GARRE1: variants seen among roughly 807,000 people sequenced by gnomAD.
The protein encoded by GARRE1 is granule associated Rac and RHOG effector 1, also known as granule associated Rac and RHOG effector protein 1.
A neutral mutation model predicts 103.2 loss-of-function variants in GARRE1; 49 were observed. The observed-to-expected ratio is 0.47, with a 90% CI of 0.38 to 0.60. The LOEUF (loss-of-function observed/expected upper bound fraction) is 0.60, where lower values mean the gene tolerates loss of function less well. Ranked by LOEUF, GARRE1 falls within the 20% of genes least tolerant of loss-of-function variation. GARRE1 has a pLI of 0.00. For missense variants in GARRE1, 1,199 were observed against 1,370.5 expected (o/e 0.87, Z 1.98); for synonymous variants, 505 against 532.8 (o/e 0.95, Z 0.72).
At chr19:34,293,750 C>CTTTTTTTTT (rs71165643) in intron 1 of GARRE1, among the ~76,000 whole-genome samples, 1 of 47,178 alleles carries the variant, frequency 2.1e-5, no homozygotes, top group Non-Finnish European at 3.8e-5. Context: ...ACACATATTT[C>CTTTTTTTTT]TTTTTTTTTT....
intron 1 of GARRE1, among the ~76,000 whole-genome samples, chr19:34,291,769 G>A (rs1488564354): frequency 6.6e-6 from 1 of 152,040 alleles, no homozygotes; most frequent in Non-Finnish European, 1.5e-5. Context: ...GACATTTCAA[G>A]CCATAGCAAC....
chr19:34,305,071 C>T (rs2086295273), intron 2 of GARRE1, among the ~76,000 whole-genome samples: 1 of 152,140 alleles, frequency 6.6e-6, no homozygotes, highest in Non-Finnish European at 1.5e-5. Flanking sequence ...GGATTACAGG[C>T]GTGAGCCACC....
At chr19:34,348,144 C>A in intron 11 of GARRE1, 102 bp downstream of exon 11, 1 of 1,024,008 alleles carries the variant, frequency 9.8e-7, no homozygotes, top group Non-Finnish European at 1.3e-6. Flanking sequence ...TCTTTTCAGG[C>A]AGTTCAATTC....
chr19:34,348,710 C>A, intron 11 of GARRE1: 1 of 315,690 alleles, frequency 3.2e-6, no homozygotes, highest in East Asian at 7.1e-5. Flanking sequence ...CAGATCATCC[C>A]GTCACCTAGG....
At chr19:34,271,367 G>A (rs570170424) in intron 1 of GARRE1, among the ~76,000 whole-genome samples, 1 of 150,634 alleles carries the variant, frequency 6.6e-6, no homozygotes, top group East Asian at 2.0e-4. Context: ...TCCTGTCTCA[G>A]CCTCCCTAGT....
chr19:34,328,998 AGT>A (rs2074125481), intron 6 of GARRE1, among the ~76,000 whole-genome samples: 2 of 152,246 alleles, frequency 1.3e-5, no homozygotes, highest in African/African-American at 4.8e-5. Flanking sequence ...AATGTCTCTC[AGT>A]GGACTTGTAT....
chr19:34,266,850 C>A (rs189906796), intron 1 of GARRE1, among the ~76,000 whole-genome samples: 1 of 151,892 alleles, frequency 6.6e-6, no homozygotes, highest in South Asian at 2.1e-4. Flanking sequence ...AATTATAGTT[C>A]GATTTACCTA....
intron 12 of GARRE1, among the ~76,000 whole-genome samples, chr19:34,351,126 G>T (rs1379136694): frequency 1.3e-5 from 2 of 151,030 alleles, no homozygotes; most frequent in Non-Finnish European, 1.5e-5. Flanking sequence ...TTGAACCTGG[G>T]ATGCAGAGTT....
rs552990961 is a variant in GARRE1 at position 34,352,233 on chromosome 19, C to T, written c.2905-414C>T. Among the ~76,000 whole-genome samples the T allele has an allele frequency of 2.6e-5, 4 of 152,010 alleles. No homozygotes were observed. In the South Asian group the frequency reaches 8.3e-4, roughly 32 times the overall value. On this transcript the variant is annotated intron_variant, in intron 13 of 13. Coordinates refer to ENST00000299505, the MANE Select transcript of GARRE1 (RefSeq NM_014686.5). ...CCTGGCTAACACGGTGAAATCCCAT[C>T]TCTACTAAAAATACAAAAATTAGCC...
intron 8 of GARRE1, among the ~76,000 whole-genome samples, chr19:34,334,667 C>T (rs533613922): frequency 9.0e-4 from 135 of 150,310 alleles, no homozygotes; most frequent in Non-Finnish European, 1.5e-3. Flanking sequence ...CTATTGCACT[C>T]CAGCCTGGGC....
intron 7 of GARRE1, among the ~76,000 whole-genome samples, chr19:34,332,369 C>G (rs907947980): frequency 1.3e-5 from 2 of 151,884 alleles, no homozygotes; most frequent in Non-Finnish European, 2.9e-5. Context: ...ACTGCAAGGA[C>G]CATGCCAATG....
At chr19:34,348,096 G>C in intron 11 of GARRE1, 54 bp downstream of exon 11, 1 of 1,356,182 alleles carries the variant, frequency 7.4e-7, no homozygotes, top group Non-Finnish European at 9.6e-7. Context: ...TGTCCCCCGA[G>C]GGGCCTGTGA....
chr19:34,271,565 T>G (rs973174083), intron 1 of GARRE1, among the ~76,000 whole-genome samples: 1 of 152,070 alleles, frequency 6.6e-6, no homozygotes, highest in African/African-American at 2.4e-5. Context: ...TGCACTTTCA[T>G]TGAAAGAACT....
intron 1 of GARRE1, among the ~76,000 whole-genome samples, chr19:34,277,114 A>G (rs1054666515): frequency 2.0e-5 from 3 of 152,042 alleles, no homozygotes; most frequent in Non-Finnish European, 2.9e-5. Flanking sequence ...AGCGTGTGTA[A>G]AGAGCTTGGG....
At chr19:34,344,864 T>C (rs2074203737) in intron 10 of GARRE1, among the ~76,000 whole-genome samples, 1 of 146,100 alleles carries the variant, frequency 6.8e-6, no homozygotes. Context: ...TTATACGGAG[T>C]CTCGCTCTAC....
chr19:34,269,725 C>G (rs1289492955), intron 1 of GARRE1, among the ~76,000 whole-genome samples: 1 of 152,086 alleles, frequency 6.6e-6, no homozygotes, highest in Admixed American at 6.6e-5. Context: ...CCAGACCTGA[C>G]CTTTGTTTTG....
intron 2 of GARRE1, among the ~76,000 whole-genome samples, chr19:34,301,223 C>T (rs2073977108): frequency 6.6e-6 from 1 of 152,032 alleles, no homozygotes; most frequent in African/African-American, 2.4e-5. Context: ...CGCTTGAGCT[C>T]AGGAGTTTGA....
At chr19:34,273,703 T>TA (rs1466984518) in intron 1 of GARRE1, among the ~76,000 whole-genome samples, 2 of 152,132 alleles carry the variant, frequency 1.3e-5, no homozygotes, top group Non-Finnish European at 2.9e-5. Context: ...AACAGGGTGT[T>TA]ACGGCAGCAG....
intron 8 of GARRE1, among the ~76,000 whole-genome samples, chr19:34,337,938 T>C (rs755977010): frequency 3.3e-5 from 5 of 152,174 alleles, no homozygotes; most frequent in Non-Finnish European, 7.4e-5. Flanking sequence ...ATGGAGAGAA[T>C]TGGGTGCACT....
Sources: allele counts gnomAD v4.1 joint callset (sites outside exome capture counted in the v4.1 genomes callset), GRCh38; gene constraint gnomAD v4.1.1; transcripts MANE v1.5; gene names NCBI Gene and HGNC (gene_info 2026-07-23, HGNC 2026-07-21).